The following CASD1 variants were observed in gnomAD, a reference collection of about 807,000 sequenced individuals.
The protein encoded by CASD1 is CAS1 domain sialic acid O acetyltransferase 1.
Under a neutral mutation model 100.0 loss-of-function variants are expected in CASD1, and 41 were observed. That is an observed-to-expected ratio of 0.41 (90% CI 0.32 to 0.53). CASD1 has a LOEUF of 0.53. CASD1 is among the 20% of genes least tolerant of loss of function. The probability of loss-of-function intolerance (pLI) is 0.25; values close to 1 mark genes in which losing one functional copy is unlikely to be tolerated. For synonymous variants in CASD1, 321 were observed against 315.6 expected (o/e 1.02, Z -0.18); for missense variants, 774 against 948.7 (o/e 0.82, Z 2.42).
intron 9 of CASD1, 73 bp downstream of exon 9, chr7:94,537,967 A>G (rs781177145): frequency 7.2e-6 from 6 of 830,954 alleles, no homozygotes; most frequent in Non-Finnish European, 9.4e-6. Flanking sequence ...AAGAACTAAT[A>G]TCATTTATCA....
chr7:94,597,006 C>T, the CASD1 span, among the ~76,000 whole-genome samples: 14 of 152,080 alleles, frequency 9.2e-5, no homozygotes, highest in Non-Finnish European at 1.6e-4. Flanking sequence ...TGAATTATTA[C>T]AATATTCTTG....
chr7:94,573,620 C>G, the CASD1 span, among the ~76,000 whole-genome samples: 1 of 152,078 alleles, frequency 6.6e-6, no homozygotes, highest in African/African-American at 2.4e-5. Context: ...GTGAAAGGAG[C>G]TTTTGGGCTG....
chr7:94,571,329 C>T, the CASD1 span, among the ~76,000 whole-genome samples: 1 of 152,264 alleles, frequency 6.6e-6, no homozygotes, highest in South Asian at 2.1e-4. Context: ...AGGCATGAGC[C>T]ACCATGTCCA....
At chr7:94,547,589 A>G (rs888556805) in intron 13 of CASD1, among the ~76,000 whole-genome samples, 2 of 151,920 alleles carry the variant, frequency 1.3e-5, no homozygotes, top group South Asian at 2.1e-4. Flanking sequence ...AGTTAGTACA[A>G]CCAACTTAGG....
the CASD1 span, chr7:94,599,121 C>G: frequency 1.7e-6 from 1 of 590,100 alleles, no homozygotes. Flanking sequence ...AGGCATACAT[C>G]TCACATACTT....
intron 1 of CASD1, among the ~76,000 whole-genome samples, chr7:94,513,039 TAGAAAC>T (rs1382362559): frequency 1.3e-5 from 2 of 151,230 alleles, no homozygotes; most frequent in African/African-American, 4.8e-5. Context: ...TTAAACAACT[TAGAAAC>T]AGTAATTCAG....
At position 94,533,225 on chromosome 7, in the gene CASD1, T is replaced by C. The variant is rs765603845; in HGVS notation, c.480T>C (p.His160=). 1 of 1,610,036 alleles carries C rather than the reference T, an allele frequency of 6.2e-7. No individual in the cohort carries two copies. Among genetic ancestry groups the C allele is most frequent in the Non-Finnish European group, 8.5e-7 (1 of 1,177,426 alleles). The change falls in exon 6 of 18, where the codon CAT becomes CAC. Residue 160 remains histidine, a synonymous_variant. Transcript: ENST00000297273. ...TTTAGGATTCCATTGCAAAGCCACA[T>C]GTGATTGTAGCAGGAGCTGCCACAG... ...VWTEDSIAKP[H]VIVAGAATWS...
intron 3 of CASD1, 51 bp from the exon 4 acceptor site, chr7:94,527,111 T>A (rs1360396368): frequency 1.4e-6 from 2 of 1,380,142 alleles, no homozygotes; most frequent in Non-Finnish European, 1.0e-6. Context: ...GGGCATTTTT[T>A]ATATAAATTT....
At chr7:94,625,210 CTT>C in the CASD1 span, 3 of 151,770 alleles carry the variant, frequency 2.0e-5, no homozygotes, top group South Asian at 2.1e-4. Flanking sequence ...AATTAGTAGA[CTT>C]ATATGATTAA....
the CASD1 span, among the ~76,000 whole-genome samples, chr7:94,563,872 CTGACTGCTGGACTCTTAA>C: frequency 2.6e-5 from 4 of 152,066 alleles, no homozygotes; most frequent in African/African-American, 9.7e-5. Context: ...TGTCATAGCC[CTGACTGCTGGACTCTTAA>C]AAAGTGTACT....
chr7:94,515,150 C>A (rs867799175), intron 1 of CASD1, among the ~76,000 whole-genome samples: 4 of 152,080 alleles, frequency 2.6e-5, no homozygotes, highest in African/African-American at 9.6e-5. Context: ...ACTTAGCAAT[C>A]CTTTATATTA....
chr7:94,543,451 C>T lies in CASD1; in HGVS notation c.1357-960C>T, dbSNP rs370420446. 8.5e-5 allele frequency among the ~76,000 whole-genome samples: 13 copies of T among 152,110 alleles called. No homozygotes were observed. The South Asian group carries it at 1.2e-3, about 15-fold the overall frequency. The stretch of plus-strand genomic sequence containing the variant: ...GGTAGATCACCCGAGGTCAGGAGTT[C>T]GAGACCAGCCTGGCCAACATGGCAA... On this transcript the variant is annotated intron_variant, in intron 10 of 17. Coordinates refer to ENST00000297273, the MANE Select transcript of CASD1 (RefSeq NM_022900.5).
intron 9 of CASD1, among the ~76,000 whole-genome samples, chr7:94,538,706 A>G (rs1029859293): frequency 7.2e-5 from 11 of 152,176 alleles, no homozygotes; most frequent in South Asian, 2.1e-4. Flanking sequence ...GTCATTTAAT[A>G]CAAAACCAAG....
intron 13 of CASD1, among the ~76,000 whole-genome samples, chr7:94,548,910 A>G (rs1353612058): frequency 6.6e-6 from 1 of 151,928 alleles, no homozygotes; most frequent in Non-Finnish European, 1.5e-5. Context: ...TCAGATTCAT[A>G]AGAGGGTACT....
rs1794973653 is a variant in CASD1 at position 94,533,789 on chromosome 7, T to C, written c.615T>C (p.Tyr205=). Residue 205 remains tyrosine (Y), a synonymous_variant, in exon 7 of 18, where the codon TAT becomes TAC. Transcript: ENST00000297273. Reference sequence around the variant, plus strand: ...AATTGGCAAAGACTAGTGATGTTTATTGGGTCTTACAAGGTAAGGAATGAG... The same window carrying C: ...AATTGGCAAAGACTAGTGATGTTTACTGGGTCTTACAAGGTAAGGAATGAG... The part of the protein sequence containing the change: ...LEKLAKTSDV[Y]WVLQDPVYED... The C allele has an allele frequency of 1.9e-6, 3 of 1,584,110 alleles. No homozygotes were observed. Among genetic ancestry groups the C allele is most frequent in the African/African-American group, 2.7e-5 (2 of 73,436 alleles).
chr7:94,553,786 T>TTAAATAAACAAA (rs147202084), intron 16 of CASD1: 142 of 141,976 alleles, frequency 1.0e-3, no homozygotes, highest in African/African-American at 3.0e-3. Context: ...ACCCTAGAAC[T>TTAAATAAACAAA]TAAATAAATA....
chr7:94,598,887 C>T, the CASD1 span: 3 of 1,613,428 alleles, frequency 1.9e-6, no homozygotes, highest in Non-Finnish European at 2.5e-6. Flanking sequence ...AGGGGCCATG[C>T]TATCTCTCTA....
intron 8 of CASD1, among the ~76,000 whole-genome samples, chr7:94,535,972 G>A (rs1214679833): frequency 6.6e-6 from 1 of 152,208 alleles, no homozygotes; most frequent in African/African-American, 2.4e-5. Context: ...GCCAGGCGCA[G>A]TGGCTCATGC....
chr7:94,600,199 T>C, the CASD1 span: 7 of 187,494 alleles, frequency 3.7e-5, no homozygotes, highest in Non-Finnish European at 7.8e-5. Flanking sequence ...AGTTGGGTTT[T>C]AAAAATATAT....
Sources: gnomAD v4.1 joint callset for allele counts (sites outside exome capture counted in the v4.1 genomes callset) on GRCh38, gnomAD v4.1.1 for gene constraint, MANE v1.5 for transcripts, NCBI Gene and HGNC (gene_info 2026-07-23, HGNC 2026-07-21) for gene names.